PYGO1: variants seen among roughly 807,000 people sequenced by gnomAD.
The protein encoded by PYGO1 is pygopus family PHD finger 1, also known as pygopus homolog 1.
In PYGO1, 6 loss-of-function variants were observed where a neutral mutation model predicts 29.5. The observed-to-expected ratio is 0.20, with a 90% CI of 0.11 to 0.40. PYGO1 has a LOEUF of 0.40. PYGO1 is among the 10% of genes least tolerant of loss of function. The probability of loss-of-function intolerance (pLI) is 1.00; values close to 1 mark genes in which losing one functional copy is unlikely to be tolerated. For missense variants in PYGO1, 515 were observed against 514.9 expected (o/e 1.00, Z 0.00); for synonymous variants, 186 against 180.5 (o/e 1.03, Z -0.24).
chr15:55,588,725 G>C, upstream of PYGO1: 3 of 1,480,656 alleles, frequency 2.0e-6, no homozygotes, highest in Non-Finnish European at 2.8e-6. Flanking sequence ...CGCAAGGAAA[G>C]GGCATCTCCG....
At chr15:55,562,126 A>AAAACC (rs1456664465) in intron 1 of PYGO1, among the ~76,000 whole-genome samples, 3 of 152,250 alleles carry the variant, frequency 2.0e-5, no homozygotes, top group Non-Finnish European at 4.4e-5. Flanking sequence ...AATGCAAATC[A>AAAACC]AAACCACAAC....
intron 1 of PYGO1, among the ~76,000 whole-genome samples, chr15:55,552,181 C>T (rs892807223): frequency 6.6e-6 from 1 of 151,454 alleles, no homozygotes; most frequent in African/African-American, 2.4e-5. Context: ...ATGGCGAAAC[C>T]CCGTCTCTAC....
At chr15:55,560,244 A>G (rs1432192487) in intron 1 of PYGO1, among the ~76,000 whole-genome samples, 2 of 152,148 alleles carry the variant, frequency 1.3e-5, no homozygotes, top group African/African-American at 4.8e-5. Context: ...AAGTCAAATT[A>G]TCTTTGTTTG....
Position 55,588,147 on chromosome 15 carries a change from C to A in PYGO1, c.-264G>T, listed in dbSNP as rs947864265. ...GGCCGGGAGCGCGGCCTGGGGGCGG[C>A]CCCCCACCCGGGGCCGGCATGTGCT... On this transcript the variant is annotated 5_prime_UTR_variant, in exon 1 of 3. Coordinates refer to ENST00000563719, the MANE Select transcript of PYGO1 (RefSeq NM_001367806.1). 4 of 672,068 alleles carry A rather than the reference C, an allele frequency of 6.0e-6. No homozygotes were observed. The highest frequency in any genetic ancestry group is 5.9e-5 in the African/African-American group (3 of 50,902). The allele number at this position is 672,068 out of a possible 1,614,324, so 41.6% of individuals were successfully genotyped here.
chr15:55,588,685 C>G (rs1382936528), upstream of PYGO1: 4 of 1,134,770 alleles, frequency 3.5e-6, no homozygotes, highest in Non-Finnish European at 5.0e-6. Flanking sequence ...AACGCCCGAC[C>G]CCGCGGCCGA....
Position 55,546,077 on chromosome 15 carries a change from C to G in PYGO1, c.1206G>C (p.Gln402His), listed in dbSNP as rs1390327873. ...CDTCMADKDVQLMRTRETFGP... is the reference protein window; with the variant it reads ...CDTCMADKDVHLMRTRETFGP... ...CAAAAGTTTCTCTAGTACGCATTAA[C>G]TGGACATCTTTGTCAGCCATACAGG... The change falls in exon 3 of 3, where the codon CAG becomes CAC. Residue 402 changes from glutamine (Q) to histidine (H), a missense_variant. Physicochemically the swap from Gln to His is conservative, Grantham distance 24 (BLOSUM62 0). Transcript: ENST00000563719. 1.9e-6 allele frequency: 3 copies of G among 1,614,166 alleles called. No individual in the cohort carries two copies. Among genetic ancestry groups the G allele is most frequent in the Non-Finnish European group, 2.5e-6 (3 of 1,180,020 alleles).
In PYGO1 at chr15:55,573,664, C is replaced by T. The variant is rs1037007413; in HGVS notation, c.49+14171G>A. ...TGATATAGTTGATTCTTGAACAATG[C>T]GGATGTTAGAAGCTCTGATACTCTG... On this transcript the variant is annotated intron_variant, in intron 1 of 2. Transcript: ENST00000563719. Among the ~76,000 whole-genome samples, 12 of 152,212 alleles carry T rather than the reference C, an allele frequency of 7.9e-5. 1 individual carries two copies. In the East Asian group the frequency reaches 1.2e-3, roughly 15 times the overall value.
intron 1 of PYGO1, among the ~76,000 whole-genome samples, chr15:55,579,766 G>T (rs1227476940): frequency 6.6e-6 from 1 of 152,072 alleles, no homozygotes; most frequent in African/African-American, 2.4e-5. Flanking sequence ...ACTCTTAATG[G>T]TATCTATCAT....
chr15:55,584,622 T>G (rs1329003997), intron 1 of PYGO1, among the ~76,000 whole-genome samples: 1 of 152,216 alleles, frequency 6.6e-6, no homozygotes, highest in Non-Finnish European at 1.5e-5. Flanking sequence ...GGAAATGGAC[T>G]ATCAGAAAGC....
At position 55,560,436 on chromosome 15, in the gene PYGO1, T is replaced by G. The variant is rs146696616; in HGVS notation, c.50-11441A>C. ...TGAATGAACTCCCATTCACAATTGC[T>G]AGAGAGAATATACTACCTAGGAATA... On this transcript the variant is annotated intron_variant, in intron 1 of 2. Transcript: ENST00000563719. 9.0e-3 allele frequency among the ~76,000 whole-genome samples: 1,364 copies of G among 152,022 alleles called. 22 individuals are homozygous for G. Among genetic ancestry groups the G allele is most frequent in the African/African-American group, 0.031 (1,298 of 41,478 alleles).
At chr15:55,578,110 C>T (rs1237338204) in intron 1 of PYGO1, among the ~76,000 whole-genome samples, 1 of 152,142 alleles carries the variant, frequency 6.6e-6, no homozygotes, top group African/African-American at 2.4e-5. Context: ...GCTTTTTGTA[C>T]ATAGCTTCTT....
intron 1 of PYGO1, among the ~76,000 whole-genome samples, chr15:55,555,258 T>C (rs1567052705): frequency 6.6e-6 from 1 of 151,972 alleles, no homozygotes; most frequent in Admixed American, 6.6e-5. Flanking sequence ...CCGACCAAAC[T>C]AAGCTTTATA....
At position 55,588,034 on chromosome 15, in the gene PYGO1, G is replaced by T. The variant is rs2059056905; in HGVS notation, c.-151C>A. On this transcript the variant is annotated 5_prime_UTR_variant, in exon 1 of 3. Coordinates refer to ENST00000563719, the MANE Select transcript of PYGO1 (RefSeq NM_001367806.1). ...GCCGAGGGCGGTGGGGACGCGGGCC[G>T]ACTTTGCAAAGTTTGGGAGGAGGAC... 3.2e-6 allele frequency: 4 copies of T among 1,234,752 alleles called. No homozygotes were observed. The highest frequency in any genetic ancestry group is 4.1e-6 in the Non-Finnish European group (4 of 985,182). 76.5% of individuals were successfully genotyped at this position (1,234,752 alleles called of 1,614,324 possible).
At position 55,542,127 on chromosome 15, in the gene PYGO1, T is replaced by C. The variant is rs2058830286; in HGVS notation, c.*3896A>G. On this transcript the variant is annotated 3_prime_UTR_variant, in exon 3 of 3. Transcript: ENST00000563719. ...TTAAAAAATCATTGCTTATATATTT[T>C]CTTACTATTAAATACAATTACTATA... is the stretch of plus-strand genomic sequence containing the variant. The C allele has an allele frequency of 3.3e-5, 5 of 152,246 alleles. No individual in the cohort carries two copies. In the South Asian group the frequency reaches 1.0e-3, roughly 31 times the overall value. 9.4% of individuals were successfully genotyped at this position (152,246 alleles called of 1,614,324 possible).
intron 1 of PYGO1, among the ~76,000 whole-genome samples, chr15:55,552,848 T>C (rs1321198153): frequency 4.6e-5 from 7 of 152,116 alleles, no homozygotes; most frequent in East Asian, 1.9e-4. Context: ...GATCCACCCA[T>C]ACATTCCCTA....
At chr15:55,553,613 G>T (rs1233730277) in intron 1 of PYGO1, among the ~76,000 whole-genome samples, 2 of 152,138 alleles carry the variant, frequency 1.3e-5, no homozygotes, top group African/African-American at 2.4e-5. Context: ...GTTTCGCCAT[G>T]TTGGCCAGGC....
intron 1 of PYGO1, among the ~76,000 whole-genome samples, chr15:55,568,078 T>C (rs1474415982): frequency 6.6e-6 from 1 of 152,348 alleles, no homozygotes; most frequent in Middle Eastern, 3.4e-3. Context: ...TGGTTCCGTA[T>C]GAATTTTAAC....
intron 1 of PYGO1, among the ~76,000 whole-genome samples, chr15:55,569,709 C>T (rs185890046): frequency 2.2e-4 from 34 of 152,268 alleles, no homozygotes; most frequent in African/African-American, 8.2e-4. Flanking sequence ...TGCTTTACAG[C>T]CAAGCATGTG....
intron 1 of PYGO1, among the ~76,000 whole-genome samples, chr15:55,550,058 T>C (rs1281418973): frequency 6.6e-6 from 1 of 152,220 alleles, no homozygotes; most frequent in Non-Finnish European, 1.5e-5. Flanking sequence ...AAATTAACAA[T>C]AATCCTTCAT....
Sources: gnomAD v4.1 joint callset for allele counts (sites outside exome capture counted in the v4.1 genomes callset) on GRCh38, gnomAD v4.1.1 for gene constraint, MANE v1.5 for transcripts, NCBI Gene and HGNC (gene_info 2026-07-23, HGNC 2026-07-21) for gene names.